The following SLC23A3 variants were observed in gnomAD, a reference collection of about 807,000 sequenced individuals.
SLC23A3 encodes E2-binding protein 3.
In SLC23A3, 41 loss-of-function variants were observed where a neutral mutation model predicts 64.7. The observed-to-expected ratio is 0.63, with a 90% CI of 0.49 to 0.82. SLC23A3 has a LOEUF of 0.82. Ranked by LOEUF, SLC23A3 falls within the 40% of genes least tolerant of loss-of-function variation. The probability of loss-of-function intolerance (pLI) is 0.00; values close to 1 mark genes in which losing one functional copy is unlikely to be tolerated. For synonymous variants in SLC23A3, 281 were observed against 306.8 expected, an observed-to-expected ratio of 0.92 and a Z score of 0.88; for missense variants, 647 against 733.4, an observed-to-expected ratio of 0.88 and a Z score of 1.36.
At position 219,169,102 on chromosome 2, in the gene SLC23A3, G is replaced by A. The variant is rs1950035114; in HGVS notation, c.419C>T (p.Ser140Phe). 3 of 1,613,916 alleles carry A rather than the reference G, an allele frequency of 1.9e-6. No individual in the cohort carries two copies. Among genetic ancestry groups the A allele is most frequent in the East Asian group, 2.2e-5 (1 of 44,878 alleles). ...LPRAIQTPGN[S>F]SLMLHLCRGP... is the part of the protein sequence containing the mutation. ...CCTACAAAGGTGCAGCATGAGGGAG[G>A]CTAGGAAAAGTTTGGGGCATGGAGA... The change falls in exon 4 of 12, where the codon TCC becomes TTC. Residue 140 changes from serine (S) to phenylalanine (F), a missense_variant and splice_region_variant. Physicochemically the swap from Ser to Phe is radical, Grantham distance 155. Transcript: ENST00000409878. The surrounding 1 kb of genome is among the most constrained non-coding windows in gnomAD (Gnocchi z 4.5).
Position 219,169,329 on chromosome 2 carries a change from GC to G in SLC23A3, c.397del (p.Ala133ProfsTer38). On this transcript the variant is annotated frameshift_variant, in exon 3 of 12. Coordinates refer to ENST00000409878, the MANE Select transcript of SLC23A3 (RefSeq NM_001144889.2). LOFTEE classifies it high-confidence loss of function. The surrounding 1 kb of genome is among the most constrained non-coding windows in gnomAD (Gnocchi z 4.5). The stretch of plus-strand genomic sequence containing the variant: ...CTCACAGTTTCCAGGTGTCTGGATG[GC>G]CCGGGGTAGCTTCTGGCTGGTCAGC... ...LVLTSQKLPR[A>X]IQTPGNSSLM... is the part of the protein sequence containing the mutation. The G allele has an allele frequency of 6.2e-7, 1 of 1,614,204 alleles. No homozygotes were observed. Among genetic ancestry groups the G allele is most frequent in the Middle Eastern group, 1.7e-4 (1 of 6,060 alleles).
intron 10 of SLC23A3, among the ~76,000 whole-genome samples, 161 bp from the exon 11 acceptor site, chr2:219,162,555 C>G (rs931828087): frequency 6.6e-6 from 1 of 152,208 alleles, no homozygotes; most frequent in Non-Finnish European, 1.5e-5. Context: ...TCTCCACTTT[C>G]CAAATCCAGG....
Position 219,168,186 on chromosome 2 carries a change from C to G in SLC23A3, c.798+9G>C, listed in dbSNP as rs1360602204. On this transcript the variant is annotated intron_variant, in intron 6 of 11. Transcript: ENST00000409878. The stretch of plus-strand genomic sequence containing the variant: ...TGACCTCTACTGCCCTGCCCAGACC[C>G]ACACATACCGAAAGGAGCCGGAAGA... The G allele has an allele frequency of 6.2e-7, 1 of 1,613,534 alleles. No individual in the cohort carries two copies. Among genetic ancestry groups the G allele is most frequent in the Non-Finnish European group, 8.5e-7 (1 of 1,179,672 alleles).
chr2:219,168,887 C>T lies in SLC23A3; in HGVS notation c.493-54G>A, dbSNP rs138669424. Reference sequence around the variant, plus strand: ...AAAACATTCTGCTCAATCAAACTGGCCTCAGCCTGGTCTTCCTAATTCTAA... The same window carrying T: ...AAAACATTCTGCTCAATCAAACTGGTCTCAGCCTGGTCTTCCTAATTCTAA... On this transcript the variant is annotated intron_variant, in intron 4 of 11. Transcript: ENST00000409878. 11,288 of 1,561,004 alleles carry T rather than the reference C, an allele frequency of 7.2e-3. 55 individuals carry two copies. The highest frequency in any genetic ancestry group is 8.9e-3 in the African/African-American group (651 of 73,344).
Position 219,162,305 on chromosome 2 carries a change from T to A in SLC23A3, c.1531A>T (p.Ile511Phe), listed in dbSNP as rs1216497602. 1 of 1,613,942 alleles carries A rather than the reference T, an allele frequency of 6.2e-7. No homozygotes were observed. The highest frequency in any genetic ancestry group is 1.3e-5 in the African/African-American group (1 of 74,880). Residue 511 changes from isoleucine to phenylalanine, a missense_variant, in exon 11 of 12, where the codon ATT (isoleucine) becomes TTT (phenylalanine). By Grantham distance (21) the Ile-to-Phe change is conservative. Transcript: ENST00000409878. ...GLSGFLLENT[I>F]PGTQLERGLG... is the part of the protein sequence containing the mutation. The stretch of plus-strand genomic sequence containing the variant: ...GGGCCTAGCCTCAACTTACCAGGAA[T>A]CGTGTTCTCTAGTAGGAAGCCTGAG...
chr2:219,162,574 A>G (rs1400616529), intron 10 of SLC23A3, among the ~76,000 whole-genome samples, 180 bp from the exon 11 acceptor site: 2 of 152,108 alleles, frequency 1.3e-5, no homozygotes, highest in African/African-American at 4.8e-5. Flanking sequence ...GGCCTTTCCC[A>G]CAGGATTCCT....
At position 219,168,269 on chromosome 2, in the gene SLC23A3, A is replaced by G; in HGVS notation, c.724T>C (p.Phe242Leu). 2 of 1,613,716 alleles carry G rather than the reference A, an allele frequency of 1.2e-6. No homozygotes were observed. Among genetic ancestry groups the G allele is most frequent in the Non-Finnish European group, 1.7e-6 (2 of 1,179,804 alleles). The change falls in exon 6 of 12, where the codon TTT becomes CTT. Residue 242 changes from phenylalanine to leucine, a missense_variant. Phe to Leu is a conservative substitution (Grantham distance 22). Transcript: ENST00000409878. Reference protein sequence around the residue: ...VCSQHLGSCQFHVCPWRRAST... With the variant: ...VCSQHLGSCQLHVCPWRRAST... ...GCTCGCCTCCAGGGGCACACATGAAACTGGCAGGAGCCCAGGTGCTGAGAA... is the reference window on the plus strand; with the variant it reads ...GCTCGCCTCCAGGGGCACACATGAAGCTGGCAGGAGCCCAGGTGCTGAGAA...
chr2:219,165,623 C>G (rs955399993), intron 7 of SLC23A3, among the ~76,000 whole-genome samples: 2 of 152,262 alleles, frequency 1.3e-5, no homozygotes, highest in Non-Finnish European at 2.9e-5. Context: ...GCCCTTCCCT[C>G]TCTCTGCAGC....
chr2:219,163,050 C>T (rs1949965873), intron 10 of SLC23A3, among the ~76,000 whole-genome samples: 1 of 152,246 alleles, frequency 6.6e-6, no homozygotes, highest in Non-Finnish European at 1.5e-5. Flanking sequence ...ACCTTCTTCT[C>T]ACCAAAGATG....
chr2:219,168,771 G>A lies in SLC23A3; in HGVS notation c.555C>T (p.Pro185=), dbSNP rs755926086. 2.1e-5 allele frequency: 34 copies of A among 1,610,482 alleles called. No homozygotes were observed. Among genetic ancestry groups the A allele is most frequent in the Non-Finnish European group, 2.8e-5 (33 of 1,178,196 alleles). Residue 185 remains proline, a synonymous_variant, in exon 5 of 12, where the codon CCC becomes CCT. Coordinates refer to ENST00000409878, the MANE Select transcript of SLC23A3 (RefSeq NM_001144889.2). ...LQGMMGLLGS[P]GHVFPHCGPL... ...GCCCACAGTGGGGGAACACGTGGCC[G>A]GGACTCCCCAGCAGCCCCATCATGC...
At chr2:219,165,704 C>T (rs1949999349) in intron 7 of SLC23A3, among the ~76,000 whole-genome samples, 2 of 152,266 alleles carry the variant, frequency 1.3e-5, no homozygotes, top group Admixed American at 1.3e-4. Flanking sequence ...GGCCTTTGTA[C>T]ATGCTGTGCT....
intron 6 of SLC23A3, 21 bp from the exon 7 acceptor site, chr2:219,168,065 A>G (rs1950021489): frequency 6.4e-7 from 1 of 1,566,836 alleles, no homozygotes. Context: ...AGACTGAGAA[A>G]AGAACTCCTC....
chr2:219,167,951 A>C lies in SLC23A3; in HGVS notation c.892T>G (p.Trp298Gly). ...CTACCTGGGTGAGGCAGCCAAATCC[A>C]TGGTGCCTTGGTGGGGGCAGACAGT... ...QELSAPTKAPWIWLPHPGEWN... is the reference protein window; with the variant it reads ...QELSAPTKAPGIWLPHPGEWN... Residue 298 changes from tryptophan (W) to glycine (G), a missense_variant, in exon 7 of 12, where the codon TGG (tryptophan) becomes GGG (glycine). Coordinates refer to ENST00000409878, the MANE Select transcript of SLC23A3 (RefSeq NM_001144889.2). 1 of 1,583,426 alleles carries C rather than the reference A, an allele frequency of 6.3e-7. No homozygotes were observed. The highest frequency in any genetic ancestry group is 8.5e-7 in the Non-Finnish European group (1 of 1,172,064).
chr2:219,162,640 TC>T (rs978581230), intron 10 of SLC23A3, among the ~76,000 whole-genome samples: 1 of 152,210 alleles, frequency 6.6e-6, no homozygotes, highest in African/African-American at 2.4e-5. Context: ...CTTTGACTAT[TC>T]CAGGTTCCCT....
At chr2:219,165,087 G>A in intron 8 of SLC23A3, 82 bp downstream of exon 8, 7 of 1,468,784 alleles carry the variant, frequency 4.8e-6, no homozygotes, top group Non-Finnish European at 6.4e-6. Context: ...AGGCACACCT[G>A]GCAATCAATC....
chr2:219,165,403 C>T lies in SLC23A3; in HGVS notation c.933G>A (p.Leu311=), dbSNP rs1464664558. 6.4e-7 allele frequency: 1 copy of T among 1,550,734 alleles called. No homozygotes were observed. The highest frequency in any genetic ancestry group is 1.2e-5 in the South Asian group (1 of 83,984). The change falls in exon 8 of 12, where the codon TTG becomes TTA. Residue 311 remains leucine, a synonymous_variant. Coordinates refer to ENST00000409878, the MANE Select transcript of SLC23A3 (RefSeq NM_001144889.2). ...CTGCAGCCAGAGCTCTGGGCGTCAGCAAAGGCCAATTCCACTCACCTGGGG... is the reference window on the plus strand; with the variant it reads ...CTGCAGCCAGAGCTCTGGGCGTCAGTAAAGGCCAATTCCACTCACCTGGGG... ...LPHPGEWNWP[L]LTPRALAAGI...
intron 9 of SLC23A3, 107 bp from the exon 10 acceptor site, chr2:219,163,662 A>T: frequency 8.8e-7 from 1 of 1,132,112 alleles, no homozygotes; most frequent in Non-Finnish European, 1.3e-6. Context: ...AATAAAACCC[A>T]AGAGAATGAT....
chr2:219,168,620 G>A, intron 5 of SLC23A3, 32 bp downstream of exon 5: 1 of 1,604,922 alleles, frequency 6.2e-7, no homozygotes, highest in Non-Finnish European at 8.5e-7. Flanking sequence ...CCCCCACTGG[G>A]CACCATCCCA....
chr2:219,165,242 A>G lies in SLC23A3; in HGVS notation c.1094T>C (p.Leu365Pro). Residue 365 changes from leucine (L) to proline (P), a missense_variant, in exon 8 of 12, where the codon CTG becomes CCG. Coordinates refer to ENST00000409878, the MANE Select transcript of SLC23A3 (RefSeq NM_001144889.2). The part of the protein sequence containing the change: ...GLSLEGLGSV[L>P]AGLLGSPMGT... ...CATGGGGCTTCCCAGCAGCCCGGCC[A>G]GCACACTGCCCAGCCCCTCCAGGCT... 6.4e-7 allele frequency: 1 copy of G among 1,551,684 alleles called. No homozygotes were observed. Among genetic ancestry groups the G allele is most frequent in the African/African-American group, 1.4e-5 (1 of 73,194 alleles).
Sources: gnomAD v4.1 joint callset for allele counts (sites outside exome capture counted in the v4.1 genomes callset) on GRCh38, gnomAD v4.1.1 for gene constraint, Gnocchi (gnomAD v3.1) non-coding constraint, MANE v1.5 for transcripts, NCBI Gene and HGNC (gene_info 2026-07-23, HGNC 2026-07-21) for gene names.